Variants in AGPS observed in about 807,000 individuals in gnomAD.
AGPS encodes the protein alkylglycerone phosphate synthase.
AGPS carries 26 observed loss-of-function variants against 90.7 expected under a neutral mutation model. The ratio of observed to expected loss-of-function variants is 0.29; its 90% confidence interval spans 0.21 to 0.40. The LOEUF is 0.40. AGPS is among the 10% of genes least tolerant of loss of function. AGPS has a pLI of 1.00. For missense variants in AGPS, 540 were observed against 816.1 expected (o/e 0.66, Z 4.12); for synonymous variants, 294 against 285.3 (o/e 1.03, Z -0.31).
At chr2:177,498,439 A>AT (rs891143584) in intron 13 of AGPS, among the ~76,000 whole-genome samples, 12 of 149,410 alleles carry the variant, frequency 8.0e-5, no homozygotes, top group Admixed American at 6.0e-4. Flanking sequence ...GTTGTAAGTA[A>AT]TTTTTTTTCC....
At position 177,420,345 on chromosome 2, in the gene AGPS, T is replaced by A. The variant is rs1458108521; in HGVS notation, c.337T>A (p.Leu113Met). ...FIFNKKGQIE[L>M]TGKRYPLSGM... ...CTTCAATAAGAAGGGCCAAATTGAA[T>A]TGACTGGGAAAAGGTAACCCTGGTT... is the stretch of plus-strand genomic sequence containing the variant. Residue 113 changes from leucine (L) to methionine (M), a missense_variant, in exon 2 of 20, where the codon TTG becomes ATG. By Grantham distance (15) the Leu-to-Met change is conservative. Around this residue, in one of 2 missense-constraint regions of AGPS, gnomAD observed 405 missense variants for 692.1 expected, o/e 0.59. Coordinates refer to ENST00000264167, the MANE Select transcript of AGPS (RefSeq NM_003659.4). The A allele has an allele frequency of 4.4e-6, 7 of 1,606,636 alleles. No individual in the cohort carries two copies. The highest frequency in any genetic ancestry group is 5.1e-6 in the Non-Finnish European group (6 of 1,173,720).
chr2:177,482,277 G>A (rs1240133996), intron 11 of AGPS, 91 bp downstream of exon 11: 3 of 687,230 alleles, frequency 4.4e-6, no homozygotes, highest in African/African-American at 3.8e-5. Context: ...ATTGTGATAT[G>A]TTACAACTAA....
At chr2:177,534,429 T>A (rs1285075730) in intron 19 of AGPS, among the ~76,000 whole-genome samples, 1 of 152,164 alleles carries the variant, frequency 6.6e-6, no homozygotes, top group Non-Finnish European at 1.5e-5. Context: ...GTTTTAAAAA[T>A]GTACTATGTG....
chr2:177,525,022 G>A (rs1226287198), intron 19 of AGPS, among the ~76,000 whole-genome samples: 2 of 152,170 alleles, frequency 1.3e-5, no homozygotes, highest in Non-Finnish European at 2.9e-5. Context: ...TTAGCCAATA[G>A]CATTGAAGAT....
At chr2:177,411,045 G>A (rs1480291833) in intron 1 of AGPS, among the ~76,000 whole-genome samples, 1 of 152,106 alleles carries the variant, frequency 6.6e-6, no homozygotes, top group Non-Finnish European at 1.5e-5. Context: ...CTCAAAGTCC[G>A]CTTACCTGAG....
At chr2:177,462,156 C>A in intron 9 of AGPS, 138 bp downstream of exon 9, 1 of 613,938 alleles carries the variant, frequency 1.6e-6, no homozygotes, top group Non-Finnish European at 2.5e-6. Context: ...TTTGGGAGGC[C>A]GAGGCGGGCG....
chr2:177,501,371 C>T (rs906598347), intron 14 of AGPS, among the ~76,000 whole-genome samples: 2 of 152,032 alleles, frequency 1.3e-5, no homozygotes, highest in Admixed American at 6.6e-5. Context: ...AGTAATGTGT[C>T]ACATTTCCTG....
At chr2:177,443,015 C>G (rs1200490481) in intron 7 of AGPS, among the ~76,000 whole-genome samples, 1 of 151,764 alleles carries the variant, frequency 6.6e-6, no homozygotes, top group Non-Finnish European at 1.5e-5. Context: ...GAATAGTTTA[C>G]CCATTTTTTA....
chr2:177,480,779 G>A (rs1264486292), intron 10 of AGPS, among the ~76,000 whole-genome samples: 1 of 151,582 alleles, frequency 6.6e-6, no homozygotes, highest in South Asian at 2.1e-4. Context: ...AAAATAAATT[G>A]TATTTTACAC....
chr2:177,467,290 G>A (rs1161217830), intron 9 of AGPS, among the ~76,000 whole-genome samples: 2 of 152,150 alleles, frequency 1.3e-5, no homozygotes, highest in East Asian at 3.8e-4. Context: ...TTTTTAAAGA[G>A]TTATATAATT....
At chr2:177,394,558 A>G (rs533091426) in intron 1 of AGPS, among the ~76,000 whole-genome samples, 8 of 152,328 alleles carry the variant, frequency 5.3e-5, no homozygotes, top group African/African-American at 1.9e-4. Context: ...GGGGCAATAC[A>G]TGATTAGATT....
At chr2:177,516,241 A>G (rs1314845494) in intron 17 of AGPS, among the ~76,000 whole-genome samples, 2 of 152,144 alleles carry the variant, frequency 1.3e-5, no homozygotes, top group Non-Finnish European at 2.9e-5. Context: ...GAGTTCATTT[A>G]TTTCATTTTT....
At chr2:177,413,017 C>G (rs900704920) in intron 1 of AGPS, among the ~76,000 whole-genome samples, 2 of 152,034 alleles carry the variant, frequency 1.3e-5, no homozygotes, top group Non-Finnish European at 2.9e-5. Flanking sequence ...TCTGCGATGG[C>G]GGCAAACAAC....
chr2:177,530,008 AGTTTTGTTTGTTT>A (rs770026875), intron 19 of AGPS, among the ~76,000 whole-genome samples: 8 of 152,186 alleles, frequency 5.3e-5, no homozygotes, highest in African/African-American at 9.6e-5. Flanking sequence ...AAAAAACAAT[AGTTTTGTTTGTTT>A]GTTTGTTTGT....
At chr2:177,427,672 A>T (rs978187323) in intron 2 of AGPS, among the ~76,000 whole-genome samples, 1 of 152,134 alleles carries the variant, frequency 6.6e-6, no homozygotes, top group Non-Finnish European at 1.5e-5. Context: ...TCTTGATTCT[A>T]ACCTGATTGT....
chr2:177,514,953 T>A (rs1162579706), intron 17 of AGPS, among the ~76,000 whole-genome samples: 1 of 151,644 alleles, frequency 6.6e-6, no homozygotes, highest in East Asian at 1.9e-4. Context: ...CATCTGTATA[T>A]TAACATGTTT....
At chr2:177,475,500 ATCT>A (rs1382787819) in intron 10 of AGPS, among the ~76,000 whole-genome samples, 2 of 152,134 alleles carry the variant, frequency 1.3e-5, no homozygotes. Flanking sequence ...GCAACTACTG[ATCT>A]TCTTTTGATC....
rs555871792 is a variant in AGPS at position 177,538,982 on chromosome 2, T to C, written c.*787T>C. Reference sequence around the variant, plus strand: ...AGGTTTACCATGAAATGAATGCCTTTATTCAACTTAGAGTCCTAATGTTTC... The same window carrying C: ...AGGTTTACCATGAAATGAATGCCTTCATTCAACTTAGAGTCCTAATGTTTC... On this transcript the variant is annotated 3_prime_UTR_variant, in exon 20 of 20. Coordinates refer to ENST00000264167, the MANE Select transcript of AGPS (RefSeq NM_003659.4). 1 of 152,196 alleles carries C rather than the reference T, an allele frequency of 6.6e-6. No individual in the cohort carries two copies. Among genetic ancestry groups the C allele is most frequent in the South Asian group, 2.1e-4 (1 of 4,828 alleles). The allele number at this position is 152,196 out of a possible 1,614,324, so 9.4% of individuals were successfully genotyped here. A position where few individuals can be genotyped will look rare whatever the true frequency, so the allele number is the denominator to read the frequency against.
At chr2:177,481,543 C>T (rs1289461701) in intron 10 of AGPS, among the ~76,000 whole-genome samples, 1 of 151,362 alleles carries the variant, frequency 6.6e-6, no homozygotes, top group African/African-American at 2.4e-5. Context: ...TCAGTAATGC[C>T]TTTATCTTTT....
Sources: gnomAD v4.1 joint callset for allele counts (sites outside exome capture counted in the v4.1 genomes callset) on GRCh38, gnomAD v4.1.1 for gene constraint, gnomAD v4.1.1 regional missense constraint, MANE v1.5 for transcripts, NCBI Gene and HGNC (gene_info 2026-07-23, HGNC 2026-07-21) for gene names.